Variants in NYAP2 observed in about 807,000 individuals in gnomAD.
NYAP2 encodes the protein neuronal tyrosine-phosphorylated phosphoinositide-3-kinase adaptor 2, also known as neuronal tyrosine-phosphorylated phosphoinositide-3-kinase adapter 2.
Under a neutral mutation model 50.4 loss-of-function variants are expected in NYAP2, and 23 were observed. That is an observed-to-expected ratio of 0.46 (90% CI 0.33 to 0.65). NYAP2 has a LOEUF of 0.65. Ranked by LOEUF, NYAP2 falls within the 30% of genes least tolerant of loss-of-function variation. The pLI is 0.02. For synonymous variants in NYAP2, 394 were observed against 365.2 expected (o/e 1.08, Z -0.90); for missense variants, 885 against 861.0 (o/e 1.03, Z -0.35).
chr2:225,625,358 A>T (rs1250245346), intron 5 of NYAP2, among the ~76,000 whole-genome samples: 1 of 152,216 alleles, frequency 6.6e-6, no homozygotes, highest in Non-Finnish European at 1.5e-5. Context: ...GGTGGAGTCA[A>T]CCATTTTTTA....
intron 3 of NYAP2, among the ~76,000 whole-genome samples, chr2:225,489,149 A>G (rs1690359959): frequency 6.6e-6 from 1 of 152,082 alleles, no homozygotes; most frequent in Non-Finnish European, 1.5e-5. Context: ...ATTTTCTCAT[A>G]TATAAGAGGC....
At chr2:225,698,389 A>C in the NYAP2 span, 6 of 152,344 alleles carry the variant, frequency 3.9e-5, no homozygotes, top group Non-Finnish European at 4.4e-5. Context: ...TTGCTTGTGC[A>C]AGGAAATAAA....
chr2:225,556,853 G>A (rs76872391), intron 4 of NYAP2, among the ~76,000 whole-genome samples: 6,104 of 152,208 alleles, frequency 0.04, 182 homozygotes, highest in South Asian at 0.088. Context: ...TTATAACAGT[G>A]TGCTGTTATA....
intron 4 of NYAP2, among the ~76,000 whole-genome samples, chr2:225,517,094 G>A (rs982432190): frequency 1.3e-5 from 2 of 151,892 alleles, no homozygotes; most frequent in African/African-American, 4.8e-5. Context: ...TACCAAAAAA[G>A]TATAATTTAG....
At chr2:225,578,965 G>A (rs962234145) in intron 4 of NYAP2, among the ~76,000 whole-genome samples, 5 of 152,088 alleles carry the variant, frequency 3.3e-5, no homozygotes, top group Non-Finnish European at 5.9e-5. Context: ...TCTGATGAGG[G>A]CTCTCTACTT....
the NYAP2 span, among the ~76,000 whole-genome samples, chr2:225,678,553 T>TA: frequency 6.6e-6 from 1 of 152,182 alleles, no homozygotes; most frequent in Admixed American, 6.6e-5. Flanking sequence ...TCTTTGAAGA[T>TA]AAAGTTCTTT....
intron 4 of NYAP2, among the ~76,000 whole-genome samples, chr2:225,519,376 CTCA>C (rs1691004807): frequency 6.6e-6 from 1 of 150,652 alleles, no homozygotes; most frequent in South Asian, 2.1e-4. Flanking sequence ...CACCCATTAA[CTCA>C]TCATTTAGCA....
intron 4 of NYAP2, among the ~76,000 whole-genome samples, chr2:225,541,698 G>A (rs1691476319): frequency 6.6e-6 from 1 of 152,204 alleles, no homozygotes; most frequent in African/African-American, 2.4e-5. Context: ...CTATACCTCT[G>A]CAATATCATT....
chr2:225,558,147 T>C (rs908990536), intron 4 of NYAP2, among the ~76,000 whole-genome samples: 1 of 152,166 alleles, frequency 6.6e-6, no homozygotes, highest in African/African-American at 2.4e-5. Flanking sequence ...TGTTTTGCAT[T>C]ATTAAGAACT....
chr2:225,529,492 A>AT (rs764251637), intron 4 of NYAP2, among the ~76,000 whole-genome samples: 46 of 151,808 alleles, frequency 3.0e-4, no homozygotes, highest in Non-Finnish European at 5.9e-4. Flanking sequence ...CGTCCAACTA[A>AT]TTTTTTATTT....
intron 4 of NYAP2, among the ~76,000 whole-genome samples, chr2:225,528,772 G>A (rs1414066207): frequency 6.6e-6 from 1 of 152,224 alleles, no homozygotes; most frequent in Non-Finnish European, 1.5e-5. Flanking sequence ...CTGGATTGTA[G>A]GGATTGGTGA....
chr2:225,498,534 AGAG>A (rs1209806975), intron 3 of NYAP2, among the ~76,000 whole-genome samples: 6 of 151,910 alleles, frequency 3.9e-5, no homozygotes, highest in Non-Finnish European at 8.8e-5. Flanking sequence ...AAGACTTTTA[AGAG>A]GAGGATTGAT....
chr2:225,651,044 T>G (rs77090098), intron 6 of NYAP2, among the ~76,000 whole-genome samples: 3,819 of 152,316 alleles, frequency 0.025, 179 homozygotes, highest in African/African-American at 0.087. Flanking sequence ...GGAGAAGGGA[T>G]AGAAGACATT....
chr2:225,530,082 G>A (rs1691227609), intron 4 of NYAP2, among the ~76,000 whole-genome samples: 2 of 152,118 alleles, frequency 1.3e-5, no homozygotes, highest in Admixed American at 1.3e-4. Flanking sequence ...GTTTGGTACT[G>A]TACAAAACTA....
At chr2:225,668,178 A>G in the NYAP2 span, among the ~76,000 whole-genome samples, 1 of 152,240 alleles carries the variant, frequency 6.6e-6, no homozygotes, top group African/African-American at 2.4e-5. Context: ...TTTCAAGATA[A>G]GTGACATTTT....
chr2:225,572,744 T>C (rs1369919915), intron 4 of NYAP2, among the ~76,000 whole-genome samples: 1 of 152,208 alleles, frequency 6.6e-6, no homozygotes, highest in Admixed American at 6.5e-5. Context: ...ATAAGAATTA[T>C]GTATGTAGTG....
chr2:225,401,357 G>T (rs376886771), intron 2 of NYAP2, among the ~76,000 whole-genome samples: 9 of 151,994 alleles, frequency 5.9e-5, no homozygotes, highest in Non-Finnish European at 1.0e-4. Flanking sequence ...GTATTAATTG[G>T]CATTCAAGTT....
At chr2:225,517,388 C>T (rs981993386) in intron 4 of NYAP2, among the ~76,000 whole-genome samples, 12 of 152,126 alleles carry the variant, frequency 7.9e-5, no homozygotes, top group African/African-American at 2.7e-4. Context: ...TGTGCACCCT[C>T]ACATTGGTCA....
At chr2:225,436,483 C>T (rs142671097) in intron 3 of NYAP2, among the ~76,000 whole-genome samples, 1 of 152,172 alleles carries the variant, frequency 6.6e-6, no homozygotes, top group African/African-American at 2.4e-5. Flanking sequence ...TGTCTCTGTC[C>T]AAATTTCCCT....
Sources: allele counts gnomAD v4.1 joint callset (sites outside exome capture counted in the v4.1 genomes callset), GRCh38; gene constraint gnomAD v4.1.1; transcripts MANE v1.5; gene names NCBI Gene and HGNC (gene_info 2026-07-23, HGNC 2026-07-21).